The following ANKRD6 variants were observed in gnomAD, a reference collection of about 807,000 sequenced individuals.
ANKRD6 encodes the protein ankyrin repeat domain-containing protein 6.
Under a neutral mutation model 82.3 loss-of-function variants are expected in ANKRD6, and 56 were observed. The observed-to-expected ratio is 0.68, with a 90% CI of 0.55 to 0.85. The LOEUF is 0.85. Among genes scored for constraint, ANKRD6 ranks in the 40% least tolerant of loss-of-function variants. ANKRD6 has a pLI of 0.00. For missense variants in ANKRD6, 852 were observed against 907.6 expected, an observed-to-expected ratio of 0.94 and a Z score of 0.79; for synonymous variants, 347 against 352.1, an observed-to-expected ratio of 0.99 and a Z score of 0.16.
At chr6:89,551,843 A>G (rs1785895373) in intron 1 of ANKRD6, among the ~76,000 whole-genome samples, 1 of 152,206 alleles carries the variant, frequency 6.6e-6, no homozygotes, top group African/African-American at 2.4e-5. Context: ...TGTTTATTTT[A>G]AGACTGTTTA....
intron 3 of ANKRD6, among the ~76,000 whole-genome samples, chr6:89,600,449 C>T (rs2128169054): frequency 6.6e-6 from 1 of 152,218 alleles, no homozygotes; most frequent in Admixed American, 6.5e-5. Flanking sequence ...ACTTCATGAA[C>T]AATACAGAGT....
chr6:89,584,915 GA>G (rs1341747013), intron 2 of ANKRD6, among the ~76,000 whole-genome samples: 1 of 152,150 alleles, frequency 6.6e-6, no homozygotes, highest in African/African-American at 2.4e-5. Context: ...GTGGCAGAGA[GA>G]GGGGTCTCTA....
Position 89,543,709 on chromosome 6 carries a change from C to CT in ANKRD6, c.-143-23124dup, listed in dbSNP as rs557491062. 8.6e-4 allele frequency among the ~76,000 whole-genome samples: 131 copies of CT among 152,348 alleles called. 1 individual carries two copies. Among genetic ancestry groups the CT allele is most frequent in the African/African-American group, 3.0e-3 (125 of 41,576 alleles). On this transcript the variant is annotated intron_variant, in intron 1 of 15. Coordinates refer to ENST00000339746, the MANE Select transcript of ANKRD6 (RefSeq NM_001242809.2). ...CTGTCCTCTCCTCAGACAGTAGACT[C>CT]TGAGACTGAATTGCAGCATCTGATG...
chr6:89,512,628 C>T (rs1023741874), intron 1 of ANKRD6, among the ~76,000 whole-genome samples: 2 of 152,110 alleles, frequency 1.3e-5, no homozygotes, highest in Non-Finnish European at 2.9e-5. Flanking sequence ...TGGACTTTGG[C>T]TGGAGGAGAT....
At chr6:89,616,788 GC>G in intron 8 of ANKRD6, 131 bp downstream of exon 8, 3 of 897,952 alleles carry the variant, frequency 3.3e-6, no homozygotes, top group Non-Finnish European at 5.4e-6. Flanking sequence ...TGGAACCACA[GC>G]CCCCAGGGCC....
At chr6:89,560,040 T>C (rs1787171870) in intron 1 of ANKRD6, among the ~76,000 whole-genome samples, 1 of 152,164 alleles carries the variant, frequency 6.6e-6, no homozygotes. Context: ...GGCACCATGA[T>C]AGGCTCTGGG....
chr6:89,477,317 T>C (rs1776166177), intron 1 of ANKRD6, among the ~76,000 whole-genome samples: 1 of 152,108 alleles, frequency 6.6e-6, no homozygotes, highest in Admixed American at 6.5e-5. Context: ...ATCCCAGTCA[T>C]CTATAATTCC....
intron 5 of ANKRD6, among the ~76,000 whole-genome samples, chr6:89,609,618 TTTTG>T (rs576674231): frequency 1.8e-4 from 27 of 151,422 alleles, no homozygotes; most frequent in African/African-American, 2.9e-4. Flanking sequence ...CACCACGTTT[TTTTG>T]TTTGTTTGTT....
chr6:89,542,820 A>G (rs949439207), intron 1 of ANKRD6, among the ~76,000 whole-genome samples: 14 of 152,088 alleles, frequency 9.2e-5, no homozygotes, highest in African/African-American at 3.4e-4. Context: ...TCCACAATCT[A>G]CTCATATGAG....
intron 5 of ANKRD6, among the ~76,000 whole-genome samples, chr6:89,608,758 A>C (rs1198761176): frequency 2.6e-5 from 4 of 152,158 alleles, no homozygotes; most frequent in African/African-American, 9.7e-5. Context: ...GACATCTTCA[A>C]GTCTCACACC....
At chr6:89,567,599 G>A (rs1295426309) in intron 2 of ANKRD6, among the ~76,000 whole-genome samples, 3 of 152,154 alleles carry the variant, frequency 2.0e-5, no homozygotes, top group Admixed American at 6.5e-5. Context: ...CTTACCCTGC[G>A]CCAACAGAGA....
chr6:89,515,826 T>C (rs1483586618), intron 1 of ANKRD6, among the ~76,000 whole-genome samples: 3 of 152,202 alleles, frequency 2.0e-5, no homozygotes, highest in Non-Finnish European at 4.4e-5. Context: ...ATTATCTGGG[T>C]GGACCCTAAG....
chr6:89,512,268 C>G (rs952812063), intron 1 of ANKRD6, among the ~76,000 whole-genome samples: 3 of 152,230 alleles, frequency 2.0e-5, no homozygotes, highest in African/African-American at 7.2e-5. Context: ...CATAAACTTA[C>G]AGCAACAGTC....
At chr6:89,588,323 T>C (rs1332171207) in intron 2 of ANKRD6, among the ~76,000 whole-genome samples, 1 of 152,214 alleles carries the variant, frequency 6.6e-6, no homozygotes, top group East Asian at 1.9e-4. Flanking sequence ...ATTTTAGTAA[T>C]GTTACAACTT....
chr6:89,442,360 A>G (rs773921050), intron 1 of ANKRD6, among the ~76,000 whole-genome samples: 11 of 152,016 alleles, frequency 7.2e-5, no homozygotes, highest in Non-Finnish European at 1.0e-4. Context: ...GAGGTGGCTC[A>G]CGCCTATAGT....
At chr6:89,523,231 T>C (rs1418000402) in intron 1 of ANKRD6, among the ~76,000 whole-genome samples, 2 of 152,204 alleles carry the variant, frequency 1.3e-5, no homozygotes, top group Non-Finnish European at 2.9e-5. Flanking sequence ...GCATCTTCCC[T>C]TTTTTGTTCT....
intron 1 of ANKRD6, among the ~76,000 whole-genome samples, chr6:89,477,203 C>A (rs1174773583): frequency 6.6e-6 from 1 of 152,090 alleles, no homozygotes; most frequent in Admixed American, 6.5e-5. Context: ...CTCGGCCTCC[C>A]AAAGTGCTGG....
intron 1 of ANKRD6, among the ~76,000 whole-genome samples, chr6:89,480,918 G>T (rs1776717824): frequency 8.3e-6 from 1 of 120,912 alleles, no homozygotes; most frequent in African/African-American, 3.2e-5. Context: ...CTTCAGCCTG[G>T]GTGACAGAGT....
chr6:89,503,627 C>T (rs1038825733), intron 1 of ANKRD6, among the ~76,000 whole-genome samples: 1 of 152,168 alleles, frequency 6.6e-6, no homozygotes, highest in African/African-American at 2.4e-5. Context: ...AAAACAAGTT[C>T]TATTCTCAAG....
Sources: gnomAD v4.1 joint callset for allele counts (sites outside exome capture counted in the v4.1 genomes callset) on GRCh38, gnomAD v4.1.1 for gene constraint, MANE v1.5 for transcripts, NCBI Gene and HGNC (gene_info 2026-07-23, HGNC 2026-07-21) for gene names.